The following CCDC91 variants were observed in gnomAD, a reference collection of about 807,000 sequenced individuals.
CCDC91 encodes coiled-coil domain containing 91.
In CCDC91, 48 loss-of-function variants were observed where a neutral mutation model predicts 63.2. The ratio of observed to expected loss-of-function variants is 0.76; its 90% CI spans 0.60 to 0.97. The LOEUF (loss-of-function observed/expected upper bound fraction) is 0.97. CCDC91 is among the 50% of genes least tolerant of loss of function. The pLI, the probability that CCDC91 is intolerant of heterozygous loss-of-function variation, is 0.00. For missense variants in CCDC91, 500 were observed against 494.6 expected (o/e 1.01, Z -0.10); for synonymous variants, 167 against 165.8 (o/e 1.01, Z -0.06).
At chr12:28,338,658 T>C (rs946497888) in intron 6 of CCDC91, among the ~76,000 whole-genome samples, 1 of 151,472 alleles carries the variant, frequency 6.6e-6, no homozygotes, top group Non-Finnish European at 1.5e-5. Flanking sequence ...ATGATTGTCA[T>C]GAATTAAAAA....
intron 12 of CCDC91, among the ~76,000 whole-genome samples, chr12:28,516,324 G>T (rs573526548): frequency 6.6e-6 from 1 of 151,816 alleles, no homozygotes; most frequent in Non-Finnish European, 1.5e-5. Context: ...TATTTTCTAG[G>T]CTGAGTGTAA....
intron 6 of CCDC91, among the ~76,000 whole-genome samples, chr12:28,361,914 T>A (rs974759318): frequency 4.6e-5 from 7 of 152,122 alleles, no homozygotes; most frequent in African/African-American, 1.7e-4. Flanking sequence ...TTGTTTTTTC[T>A]GTTGTCATTT....
rs1318989360 is a variant in CCDC91 at position 28,469,556 on chromosome 12, T to C, written c.1102-14496T>C. Among the ~76,000 whole-genome samples the C allele has an allele frequency of 2.0e-5, 3 of 151,896 alleles. No homozygotes were observed. The East Asian group carries it at 5.8e-4, about 29-fold the overall frequency. ...AATATAATCTCTATCAAAGTACAAA[T>C]GACATTCTTCACAGAAATAGAAAAA... On this transcript the variant is annotated intron_variant, in intron 11 of 12. Coordinates refer to ENST00000536442, the MANE Select transcript of CCDC91 (RefSeq NM_018318.5).
At chr12:28,339,775 A>C (rs548636229) in intron 6 of CCDC91, among the ~76,000 whole-genome samples, 1 of 152,236 alleles carries the variant, frequency 6.6e-6, no homozygotes, top group Non-Finnish European at 1.5e-5. Flanking sequence ...GAGCCCTGAG[A>C]AGCAGTGCCC....
At chr12:28,410,334 A>G (rs1213590500) in intron 8 of CCDC91, among the ~76,000 whole-genome samples, 4 of 152,166 alleles carry the variant, frequency 2.6e-5, no homozygotes, top group African/African-American at 9.7e-5. Context: ...TGATATTAAT[A>G]TAAGTTCTCC....
intron 1 of CCDC91, among the ~76,000 whole-genome samples, chr12:28,210,334 TAC>T: frequency 6.6e-6 from 1 of 152,340 alleles, no homozygotes; most frequent in African/African-American, 2.4e-5. Flanking sequence ...TAAAAGGCAT[TAC>T]AGTTTTTATT....
intron 8 of CCDC91, among the ~76,000 whole-genome samples, chr12:28,408,019 A>C (rs2139654445): frequency 6.6e-6 from 1 of 150,594 alleles, no homozygotes; most frequent in South Asian, 2.1e-4. Context: ...CAGAACGTGC[A>C]GGTTTGTTGC....
At chr12:28,381,309 C>T (rs1248091129) in intron 7 of CCDC91, among the ~76,000 whole-genome samples, 2 of 151,724 alleles carry the variant, frequency 1.3e-5, no homozygotes, top group Admixed American at 6.6e-5. Flanking sequence ...TTTGGGAAAC[C>T]TGATTTATGA....
intron 1 of CCDC91, among the ~76,000 whole-genome samples, chr12:28,251,415 T>C (rs1946109386): frequency 6.6e-6 from 1 of 152,078 alleles, no homozygotes; most frequent in Admixed American, 6.5e-5. Context: ...AATCCTAATT[T>C]ATTTGTTGAG....
chr12:28,194,146 G>A (rs1326585730), intron 1 of CCDC91, among the ~76,000 whole-genome samples: 1 of 151,908 alleles, frequency 6.6e-6, no homozygotes, highest in African/African-American at 2.4e-5. Flanking sequence ...TTTTTCTTAT[G>A]TTTTCTTCCA....
intron 3 of CCDC91, among the ~76,000 whole-genome samples, chr12:28,269,510 T>C (rs966148611): frequency 6.6e-6 from 1 of 152,172 alleles, no homozygotes; most frequent in African/African-American, 2.4e-5. Context: ...CTTAAGCACC[T>C]TTTTTTCCTG....
intron 6 of CCDC91, among the ~76,000 whole-genome samples, chr12:28,358,261 G>A (rs1943649072): frequency 6.6e-6 from 1 of 152,130 alleles, no homozygotes; most frequent in Non-Finnish European, 1.5e-5. Context: ...TCATTCAACA[G>A]ACATCTACTT....
intron 12 of CCDC91, among the ~76,000 whole-genome samples, chr12:28,503,241 AAAAAC>A (rs1254824549): frequency 6.6e-6 from 1 of 152,222 alleles, no homozygotes; most frequent in African/African-American, 2.4e-5. Flanking sequence ...TTACAAGAAA[AAAAAC>A]AAACAACCCC....
intron 11 of CCDC91, among the ~76,000 whole-genome samples, chr12:28,467,954 A>G (rs1950625182): frequency 6.6e-6 from 1 of 152,086 alleles, no homozygotes; most frequent in Non-Finnish European, 1.5e-5. Context: ...AAGCAGTACT[A>G]AGAGTGTAGT....
chr12:28,398,087 A>G (rs115239000), intron 8 of CCDC91, among the ~76,000 whole-genome samples: 5 of 152,284 alleles, frequency 3.3e-5, no homozygotes, highest in African/African-American at 9.6e-5. Flanking sequence ...TACTCATTCT[A>G]TAGAAATATA....
chr12:28,482,417 A>C (rs1163628863), intron 11 of CCDC91, among the ~76,000 whole-genome samples: 1 of 151,920 alleles, frequency 6.6e-6, no homozygotes, highest in Non-Finnish European at 1.5e-5. Flanking sequence ...AAATAGTAAA[A>C]TTTTTCAAAG....
chr12:28,472,972 G>A (rs1334689685), intron 11 of CCDC91, among the ~76,000 whole-genome samples: 8 of 152,094 alleles, frequency 5.3e-5, no homozygotes, highest in Non-Finnish European at 7.4e-5. Flanking sequence ...TTGTTGCACA[G>A]GAAGTGTATA....
chr12:28,424,931 A>G (rs1203368465), intron 8 of CCDC91, among the ~76,000 whole-genome samples: 1 of 152,110 alleles, frequency 6.6e-6, no homozygotes, highest in Admixed American at 6.6e-5. Flanking sequence ...AGAGCTTAAC[A>G]TTATATATGA....
intron 7 of CCDC91, among the ~76,000 whole-genome samples, chr12:28,382,981 A>G (rs1363100039): frequency 6.6e-6 from 1 of 152,096 alleles, no homozygotes; most frequent in East Asian, 1.9e-4. Context: ...AGGTTAAAGT[A>G]TCTGGAAGGC....
Sources: allele counts gnomAD v4.1 joint callset (sites outside exome capture counted in the v4.1 genomes callset), GRCh38; gene constraint gnomAD v4.1.1; transcripts MANE v1.5; gene names NCBI Gene and HGNC (gene_info 2026-07-23, HGNC 2026-07-21).